ARHGAP10: variants seen among roughly 807,000 people sequenced by gnomAD.
ARHGAP10 encodes Rho GTPase activating protein 10, also known as rho GTPase-activating protein 10.
ARHGAP10 carries 87 observed loss-of-function variants against 108.6 expected under a neutral mutation model. The ratio of observed to expected loss-of-function variants is 0.80; its 90% CI spans 0.67 to 0.96. The LOEUF (loss-of-function observed/expected upper bound fraction) is 0.96. Ranked by LOEUF, ARHGAP10 falls within the 40% of genes least tolerant of loss-of-function variation. The pLI, the probability that ARHGAP10 is intolerant of heterozygous loss-of-function variation, is 0.00. For missense variants in ARHGAP10, 939 were observed against 954.5 expected (o/e 0.98, Z 0.21); for synonymous variants, 347 against 341.1 (o/e 1.02, Z -0.19).
rs1274808115 is a variant in ARHGAP10 at position 147,784,820 on chromosome 4, TATATATTATAA to T, written c.155-37894_155-37884del. Among the ~76,000 whole-genome samples the T allele has an allele frequency of 8.0e-4, 21 of 26,378 alleles. 3 individuals are homozygous for T. In the South Asian group the frequency reaches 0.019, roughly 23 times the overall value. 17.3% of individuals were successfully genotyped at this position (26,378 alleles called of 152,430 possible). ...ATTATAAATATAATATATTATAAAA[TATATATTATAA>T]ATATATTATAAAATATATATTATAA... On this transcript the variant is annotated intron_variant, in intron 1 of 22. Transcript: ENST00000336498.
At chr4:148,003,542 A>G (rs1200391134) in intron 18 of ARHGAP10, among the ~76,000 whole-genome samples, 1 of 152,116 alleles carries the variant, frequency 6.6e-6, no homozygotes, top group African/African-American at 2.4e-5. Context: ...ATTGTGTGGG[A>G]GTCTAAGTCT....
chr4:147,894,542 T>G (rs1735914190), intron 10 of ARHGAP10, among the ~76,000 whole-genome samples: 1 of 152,248 alleles, frequency 6.6e-6, no homozygotes, highest in Non-Finnish European at 1.5e-5. Flanking sequence ...GAAGAACATT[T>G]TAACTTGAGG....
chr4:147,825,069 G>A (rs1211126584), intron 3 of ARHGAP10, among the ~76,000 whole-genome samples: 1 of 152,158 alleles, frequency 6.6e-6, no homozygotes, highest in African/African-American at 2.4e-5. Context: ...AGCTGGCTTC[G>A]TAGGTGTCAC....
At chr4:148,022,865 GA>G (rs1741620501) in intron 18 of ARHGAP10, among the ~76,000 whole-genome samples, 1 of 152,180 alleles carries the variant, frequency 6.6e-6, no homozygotes, top group Non-Finnish European at 1.5e-5. Flanking sequence ...GGAAAAAATT[GA>G]GGCCAACGTT....
At chr4:147,754,031 C>T (rs1017360147) in intron 1 of ARHGAP10, among the ~76,000 whole-genome samples, 2 of 152,212 alleles carry the variant, frequency 1.3e-5, no homozygotes, top group African/African-American at 4.8e-5. Flanking sequence ...TGCCTGTGTT[C>T]CAGGTTCCAG....
At chr4:147,904,631 T>C (rs1372616134) in intron 10 of ARHGAP10, among the ~76,000 whole-genome samples, 2 of 152,224 alleles carry the variant, frequency 1.3e-5, no homozygotes, top group African/African-American at 2.4e-5. Flanking sequence ...CAGTCTATCG[T>C]TGTTGGACAT....
chr4:148,053,862 T>G (rs553657259), intron 20 of ARHGAP10, among the ~76,000 whole-genome samples: 18 of 152,322 alleles, frequency 1.2e-4, no homozygotes, highest in South Asian at 2.1e-4. Flanking sequence ...ATTCGTGCCT[T>G]CCTTTGCTGT....
intron 4 of ARHGAP10, among the ~76,000 whole-genome samples, chr4:147,852,412 G>A (rs1733906922): frequency 6.6e-6 from 1 of 152,208 alleles, no homozygotes; most frequent in Non-Finnish European, 1.5e-5. Flanking sequence ...TGAGGATGAA[G>A]TTGAATTCTC....
intron 13 of ARHGAP10, among the ~76,000 whole-genome samples, chr4:147,935,991 G>A (rs1248560318): frequency 2.0e-5 from 3 of 152,106 alleles, no homozygotes; most frequent in Non-Finnish European, 2.9e-5. Context: ...TATTATTGCC[G>A]AAGTGACATT....
intron 3 of ARHGAP10, among the ~76,000 whole-genome samples, chr4:147,830,109 A>T (rs1177710398): frequency 6.6e-6 from 1 of 152,218 alleles, no homozygotes; most frequent in African/African-American, 2.4e-5. Flanking sequence ...TTGGGCAGGA[A>T]AGCCCTTTGC....
chr4:147,861,702 T>C (rs532902801), intron 5 of ARHGAP10: 2 of 152,364 alleles, frequency 1.3e-5, no homozygotes, highest in African/African-American at 4.8e-5. Flanking sequence ...AGACCTGTAG[T>C]GCATAGCTCC....
chr4:147,818,610 C>A (rs574511222), intron 1 of ARHGAP10, among the ~76,000 whole-genome samples: 2 of 149,716 alleles, frequency 1.3e-5, no homozygotes, highest in Non-Finnish European at 3.0e-5. Flanking sequence ...TTCCTCTATT[C>A]TCCCTGCCCT....
At chr4:147,994,808 A>AT (rs1419179054) in intron 18 of ARHGAP10, among the ~76,000 whole-genome samples, 8 of 152,144 alleles carry the variant, frequency 5.3e-5, no homozygotes, top group African/African-American at 1.9e-4. Flanking sequence ...CTGGAATGTC[A>AT]TTTATGTTTA....
At chr4:147,903,830 A>G (rs1736346440) in intron 10 of ARHGAP10, among the ~76,000 whole-genome samples, 1 of 152,194 alleles carries the variant, frequency 6.6e-6, no homozygotes, top group Admixed American at 6.5e-5. Flanking sequence ...GTCAGGATGT[A>G]CTACAGTTTA....
At chr4:147,777,178 A>G (rs1047515888) in intron 1 of ARHGAP10, among the ~76,000 whole-genome samples, 1 of 151,980 alleles carries the variant, frequency 6.6e-6, no homozygotes, top group African/African-American at 2.4e-5. Flanking sequence ...GCCTTTTACC[A>G]TTAGGAAATT....
intron 19 of ARHGAP10, among the ~76,000 whole-genome samples, chr4:148,043,746 G>GTATATATATATGTGTATATATATGTATA (rs34694852): frequency 2.9e-5 from 4 of 137,808 alleles, no homozygotes; most frequent in African/African-American, 1.1e-4. Flanking sequence ...GTATATATAT[G>GTATATATATATGTGTATATATATGTATA]TATATATGTA....
intron 16 of ARHGAP10, among the ~76,000 whole-genome samples, chr4:147,960,756 A>G (rs1399757127): frequency 6.6e-6 from 1 of 152,214 alleles, no homozygotes; most frequent in Admixed American, 6.5e-5. Flanking sequence ...ATCCACTCCC[A>G]TGAAGTGTGA....
At chr4:147,826,996 C>A (rs1056661948) in intron 3 of ARHGAP10, among the ~76,000 whole-genome samples, 1 of 152,126 alleles carries the variant, frequency 6.6e-6, no homozygotes, top group Admixed American at 6.6e-5. Context: ...TCTCCCCATC[C>A]GCTTTTTTTC....
intron 5 of ARHGAP10, chr4:147,861,250 G>C (rs369592755): frequency 2.6e-5 from 4 of 152,454 alleles, no homozygotes; most frequent in African/African-American, 9.6e-5. Flanking sequence ...CACTGGCTCC[G>C]TGCAAGGCTG....
Sources: allele counts gnomAD v4.1 joint callset (sites outside exome capture counted in the v4.1 genomes callset), GRCh38; gene constraint gnomAD v4.1.1; transcripts MANE v1.5; gene names NCBI Gene and HGNC (gene_info 2026-07-23, HGNC 2026-07-21).